The following EPS8L1 variants were observed in gnomAD, a reference collection of about 807,000 sequenced individuals.
EPS8L1 encodes EPS8 signaling adaptor L1.
In EPS8L1, 101 loss-of-function variants were observed where a neutral mutation model predicts 91.7. The ratio of observed to expected loss-of-function variants is 1.10; its 90% CI spans 0.94 to 1.30. EPS8L1 has a LOEUF of 1.30. Ranked by LOEUF, EPS8L1 falls within the 50% of genes most tolerant of loss-of-function variation. The probability of loss-of-function intolerance (pLI) is 0.00; values close to 1 mark genes in which losing one functional copy is unlikely to be tolerated. For synonymous variants in EPS8L1, 506 were observed against 445.3 expected (o/e 1.14, Z -1.72); for missense variants, 1,114 against 1,017.0 (o/e 1.10, Z -1.30).
In EPS8L1 at chr19:55,086,685, C is replaced by T. The variant is rs781722208; in HGVS notation, c.1778-29C>T. 48 of 1,603,746 alleles carry T rather than the reference C, an allele frequency of 3.0e-5. 1 individual carries two copies. The East Asian group carries it at 3.6e-4, about 12-fold the overall frequency. On this transcript the variant is annotated intron_variant, in intron 17 of 19. Transcript: ENST00000201647. The stretch of plus-strand genomic sequence containing the variant: ...CAGGACCCCTCGCCCTGAGCCCGCA[C>T]TCCCTACCTCCCGGTTTCCCGCCTG...
chr19:55,082,397 G>A (rs529840959), intron 11 of EPS8L1, 48 bp downstream of exon 11: 1 of 1,612,392 alleles, frequency 6.2e-7, no homozygotes, highest in East Asian at 2.2e-5. Context: ...GGGAGGAATC[G>A]GGTTCGACTT....
chr19:55,083,532 A>ACACAG lies in EPS8L1; in HGVS notation c.1356+16_1356+20dup. Reference sequence around the variant, plus strand: ...GAGGCGCCGGCAGGTGACCCAAGCGACACAGCAGGGCCGAGGCTGGGAAGT... The same window carrying ACACAG: ...GAGGCGCCGGCAGGTGACCCAAGCGACACAGCACAGCAGGGCCGAGGCTGGGAAGT... On this transcript the variant is annotated intron_variant, in intron 13 of 19. Coordinates refer to ENST00000201647, the MANE Select transcript of EPS8L1 (RefSeq NM_133180.3). This position sits in a 1 kb window ranked among gnomAD's most constrained non-coding sequence, Gnocchi z 4.7. 6.2e-7 allele frequency: 1 copy of ACACAG among 1,607,562 alleles called. No homozygotes were observed. The highest frequency in any genetic ancestry group is 8.5e-7 in the Non-Finnish European group (1 of 1,177,388).
rs1327401375 is a variant in EPS8L1 at position 55,081,246 on chromosome 19, G to T, written c.528G>T (p.Glu176Asp). The T allele has an allele frequency of 6.6e-7, 1 of 1,517,314 alleles. No homozygotes were observed. The highest frequency in any genetic ancestry group is 8.8e-7 in the Non-Finnish European group (1 of 1,142,850). The allele number at this position is 1,517,314 out of a possible 1,614,324, so 94.0% of individuals were successfully genotyped here. The change falls in exon 8 of 20, where the codon GAG becomes GAT. Residue 176 changes from glutamate to aspartate, a missense_variant. Coordinates refer to ENST00000201647, the MANE Select transcript of EPS8L1 (RefSeq NM_133180.3). This position sits in a 1 kb window ranked among gnomAD's most constrained non-coding sequence, Gnocchi z 4.9. ...RAAALRATQE[E>D]LQRDRSPAAE... ...CCCTCCGCAGGGCCACGCAGGAGGA[G>T]TTGCAGCGCGACCGCTCGCCCGCCG...
Position 55,087,386 on chromosome 19 carries a change from A to G in EPS8L1, c.2036A>G (p.Glu679Gly), listed in dbSNP as rs765759691. Residue 679 changes from glutamate to glycine, a missense_variant, in exon 19 of 20, where the codon GAG becomes GGG. Coordinates refer to ENST00000201647, the MANE Select transcript of EPS8L1 (RefSeq NM_133180.3). ...GAGCTGCGGGCGGTGAGCCCCGAGG[A>G]GGGGGCACGTGTGTACAGCCAGGTC... The part of the protein sequence containing the change: ...KEELRAVSPE[E>G]GARVYSQVTV... 8.7e-6 allele frequency: 14 copies of G among 1,613,240 alleles called. No individual in the cohort carries two copies. Among genetic ancestry groups the G allele is most frequent in the Non-Finnish European group, 1.2e-5 (14 of 1,179,594 alleles).
rs2076327753 is a variant in EPS8L1, at chr19:55,083,924, G to T, written c.1385+280G>T. 5 of 610,092 alleles carry T rather than the reference G, an allele frequency of 8.2e-6. No individual in the cohort carries two copies. In the Admixed American group the frequency reaches 1.1e-4, roughly 14 times the overall value. 37.8% of individuals were successfully genotyped at this position (610,092 alleles called of 1,614,324 possible). ...AGGGGGCTGGGAGTGGGTAAAGTCT[G>T]AGAGGTTGGATCCCTGGATCCCCAA... is the stretch of plus-strand genomic sequence containing the variant. On this transcript the variant is annotated intron_variant, in intron 14 of 19. Coordinates refer to ENST00000201647, the MANE Select transcript of EPS8L1 (RefSeq NM_133180.3). The surrounding 1 kb of genome is among the most constrained non-coding windows in gnomAD (Gnocchi z 4.7).
chr19:55,080,625 G>A (rs944373577), intron 6 of EPS8L1, 147 bp from the exon 7 acceptor site: 6 of 1,575,536 alleles, frequency 3.8e-6, no homozygotes, highest in Non-Finnish European at 5.2e-6. Context: ...CGAGGGGTGA[G>A]TTCGGGGCGT....
Position 55,086,444 on chromosome 19 carries a change from T to C in EPS8L1, c.1703T>C (p.Leu568Pro), listed in dbSNP as rs371497384. Residue 568 changes from leucine (L) to proline (P), a missense_variant, in exon 17 of 20, where the codon CTG becomes CCG. Leu to Pro is a moderately conservative substitution (Grantham distance 98). Coordinates refer to ENST00000201647, the MANE Select transcript of EPS8L1 (RefSeq NM_133180.3). ...PAPAPAPPPA[L>P]ARPRWDRPRW... ...CCAGCCCCGGCCCCACCTCCAGCTC[T>C]GGCTCGGCCCCGCTGGGACAGGCCC... 29 of 1,553,988 alleles carry C rather than the reference T, an allele frequency of 1.9e-5. No homozygotes were observed. Among genetic ancestry groups the C allele is most frequent in the African/African-American group, 4.1e-5 (3 of 73,316 alleles).
At position 55,083,419 on chromosome 19, in the gene EPS8L1, A is replaced by C. The variant is rs753591027; in HGVS notation, c.1256A>C (p.Glu419Ala). The C allele has an allele frequency of 2.5e-6, 4 of 1,613,004 alleles. No homozygotes were observed. Among genetic ancestry groups the C allele is most frequent in the Admixed American group, 1.7e-5 (1 of 60,034 alleles). Reference protein sequence around the residue: ...SPEEGPPYRPEFFSGWEPPVT... With the variant: ...SPEEGPPYRPAFFSGWEPPVT... Reference sequence around the variant, plus strand: ...GAGGAGGGACCCCCATACAGACCCGAGTTCTTCAGCGGCTGGGAGCCGCCG... The same window carrying C: ...GAGGAGGGACCCCCATACAGACCCGCGTTCTTCAGCGGCTGGGAGCCGCCG... Residue 419 changes from glutamate to alanine, a missense_variant, in exon 13 of 20, where the codon GAG becomes GCG. Transcript: ENST00000201647. This position sits in a 1 kb window ranked among gnomAD's most constrained non-coding sequence, Gnocchi z 4.7.
chr19:55,086,223 G>A (rs774835439), intron 16 of EPS8L1, 31 bp downstream of exon 16: 9 of 1,594,076 alleles, frequency 5.6e-6, no homozygotes, highest in Non-Finnish European at 5.1e-6. Context: ...GGATCTTGAG[G>A]GTGGAGAGGC....
chr19:55,086,527 T>G lies in EPS8L1; in HGVS notation c.1777+9T>G. 1 of 1,550,346 alleles carries G rather than the reference T, an allele frequency of 6.5e-7. No individual in the cohort carries two copies. Among genetic ancestry groups the G allele is most frequent in the South Asian group, 1.2e-5 (1 of 83,994 alleles). On this transcript the variant is annotated intron_variant, in intron 17 of 19. Transcript: ENST00000201647. ...GGACCCCAGCGAGAAGGGTGAGTGG[T>G]GGGGACGCCGGCTGCGGGGAGCGGT... is the stretch of plus-strand genomic sequence containing the variant.
chr19:55,085,477 T>C (rs1001941260), intron 14 of EPS8L1, among the ~76,000 whole-genome samples: 1 of 152,220 alleles, frequency 6.6e-6, no homozygotes, highest in South Asian at 2.1e-4. Context: ...GCTAGTGTTT[T>C]TATTATGCTT....
At chr19:55,086,637 C>T (rs1324887638) in intron 17 of EPS8L1, 77 bp from the exon 18 acceptor site, 4 of 1,374,262 alleles carry the variant, frequency 2.9e-6, no homozygotes, top group Non-Finnish European at 4.0e-6. Context: ...GCTGGAGCGC[C>T]CCCCCGCCCC....
At chr19:55,078,918 G>GCTGGGGGC (rs1474523476) in intron 3 of EPS8L1, 81 bp from the exon 4 acceptor site, 64 of 1,448,200 alleles carry the variant, frequency 4.4e-5, no homozygotes, top group Non-Finnish European at 3.9e-6. Context: ...GGGAGGAGGG[G>GCTGGGGGC]CTGGGGGCCT....
chr19:55,080,896 TC>T, intron 7 of EPS8L1, 42 bp downstream of exon 7: 1 of 1,540,718 alleles, frequency 6.5e-7, no homozygotes. Flanking sequence ...GAAGCCGGTT[TC>T]CCCTCCTTGT....
intron 18 of EPS8L1, 76 bp downstream of exon 18, chr19:55,086,964 CG>C: frequency 2.2e-6 from 3 of 1,394,002 alleles, no homozygotes; most frequent in Non-Finnish European, 2.8e-6. Flanking sequence ...GGCCGGGAGT[CG>C]GGGGGCGGCA....
rs2076242150 is a variant in EPS8L1 at position 55,080,836 on chromosome 19, G to T, written c.494G>T (p.Arg165Leu). 1 of 1,610,434 alleles carries T rather than the reference G, an allele frequency of 6.2e-7. No homozygotes were observed. The highest frequency in any genetic ancestry group is 8.5e-7 in the Non-Finnish European group (1 of 1,178,368). ...LHNYRSGRGE[R>L]RAAALRATQE... is the part of the protein sequence containing the mutation. ...AATTACCGCTCGGGCCGCGGGGAGC[G>T]CAGGGCGGCGGCGCTCAGGTGAGAG... Residue 165 changes from arginine to leucine, a missense_variant, in exon 7 of 20, where the codon CGC (arginine) becomes CTC (leucine). Physicochemically the swap from Arg to Leu is moderately radical, Grantham distance 102 (BLOSUM62 -2). Coordinates refer to ENST00000201647, the MANE Select transcript of EPS8L1 (RefSeq NM_133180.3).
chr19:55,083,445 G>T lies in EPS8L1; in HGVS notation c.1282G>T (p.Val428Phe). Residue 428 changes from valine to phenylalanine, a missense_variant, in exon 13 of 20, where the codon GTC becomes TTC. Val to Phe is a conservative substitution (Grantham distance 50). Transcript: ENST00000201647. This position sits in a 1 kb window ranked among gnomAD's most constrained non-coding sequence, Gnocchi z 4.7. ...GTTCTTCAGCGGCTGGGAGCCGCCGGTCACTGACCCGCAGAGCCGCGCCTG... is the reference window on the plus strand; with the variant it reads ...GTTCTTCAGCGGCTGGGAGCCGCCGTTCACTGACCCGCAGAGCCGCGCCTG... ...PEFFSGWEPP[V>F]TDPQSRAWED... is the part of the protein sequence containing the mutation. 1 of 1,612,786 alleles carries T rather than the reference G, an allele frequency of 6.2e-7. No homozygotes were observed. The highest frequency in any genetic ancestry group is 8.5e-7 in the Non-Finnish European group (1 of 1,179,870).
At chr19:55,082,746 T>G in intron 12 of EPS8L1, 144 bp downstream of exon 12, 1 of 757,162 alleles carries the variant, frequency 1.3e-6, no homozygotes, top group Non-Finnish European at 2.1e-6. Context: ...GGGGCGGGGC[T>G]TAGGACAGAT....
intron 15 of EPS8L1, 33 bp downstream of exon 15, chr19:55,086,006 TAGCC>T (rs2076348550): frequency 6.2e-7 from 1 of 1,602,484 alleles, no homozygotes; most frequent in South Asian, 1.1e-5. Context: ...GGGCAGGAAT[TAGCC>T]AGCCCTAGCT....
Sources: gnomAD v4.1 joint callset for allele counts (sites outside exome capture counted in the v4.1 genomes callset) on GRCh38, gnomAD v4.1.1 for gene constraint, Gnocchi (gnomAD v3.1) non-coding constraint, MANE v1.5 for transcripts, NCBI Gene and HGNC (gene_info 2026-07-23, HGNC 2026-07-21) for gene names.